DCAF5: variants seen among roughly 807,000 people sequenced by gnomAD.
The protein encoded by DCAF5 is DDB1- and CUL4-associated factor 5.
In DCAF5, 9 loss-of-function variants were observed where a neutral mutation model predicts 80.7. That is an observed-to-expected ratio of 0.11 (90% CI 0.07 to 0.19). The LOEUF (loss-of-function observed/expected upper bound fraction) is 0.19, where lower values mean the gene tolerates loss of function less well. Ranked by LOEUF, DCAF5 falls within the 10% of genes least tolerant of loss-of-function variation. The probability of loss-of-function intolerance (pLI) is 1.00; values close to 1 mark genes in which losing one functional copy is unlikely to be tolerated. For missense variants in DCAF5, 842 were observed against 1,205.7 expected (o/e 0.70, Z 4.47); for synonymous variants, 433 against 461.9 (o/e 0.94, Z 0.80).
At position 69,140,349 on chromosome 14, in the gene DCAF5, C is replaced by A. The variant is rs556980566; in HGVS notation, c.214+12416G>T. Among the ~76,000 whole-genome samples the A allele has an allele frequency of 4.5e-4, 68 of 152,214 alleles. 1 individual carries two copies. The highest frequency in any genetic ancestry group is 3.9e-4 in the Admixed American group (6 of 15,294). ...TGAAAAACTACAATCCCTGAAAATT[C>A]TTCTCCGGGCCACTTGAGGGGGCCA... is the stretch of plus-strand genomic sequence containing the variant. On this transcript the variant is annotated intron_variant, in intron 1 of 8. Coordinates refer to ENST00000341516, the MANE Select transcript of DCAF5 (RefSeq NM_003861.3).
chr14:69,091,288 G>A lies in DCAF5; in HGVS notation c.879+386C>T. 10 of 620,426 alleles carry A rather than the reference G, an allele frequency of 1.6e-5. No individual in the cohort carries two copies. The South Asian group carries it at 1.9e-4, about 12-fold the overall frequency. The allele number at this position is 620,426 out of a possible 1,614,324, so 38.4% of individuals were successfully genotyped here. A position where few individuals can be genotyped will look rare whatever the true frequency, so the allele number is the denominator to read the frequency against. ...ACATGTCTCTTGGATGGTACTTAGG[G>A]TGTTTCATTCATCATTGTGTTTTAT... On this transcript the variant is annotated intron_variant, in intron 6 of 8. Coordinates refer to ENST00000341516, the MANE Select transcript of DCAF5 (RefSeq NM_003861.3).
At chr14:69,133,541 G>C (rs2041101266) in intron 1 of DCAF5, among the ~76,000 whole-genome samples, 1 of 152,106 alleles carries the variant, frequency 6.6e-6, no homozygotes, top group Non-Finnish European at 1.5e-5. Context: ...GAAACCAGTA[G>C]GCAGGGAAGA....
At chr14:69,079,810 T>C (rs1337312790) in intron 6 of DCAF5, among the ~76,000 whole-genome samples, 2 of 151,936 alleles carry the variant, frequency 1.3e-5, no homozygotes, top group East Asian at 1.9e-4. Flanking sequence ...ATAATGTGGG[T>C]AGAGCAAAAA....
At chr14:69,089,922 T>C (rs2039472084) in intron 6 of DCAF5, 18 of 985,216 alleles carry the variant, frequency 1.8e-5, no homozygotes, top group Non-Finnish European at 1.9e-5. Context: ...ATGATAAGGA[T>C]GGGAAACCAT....
At chr14:69,130,485 C>A (rs1478661681) in intron 1 of DCAF5, among the ~76,000 whole-genome samples, 1 of 151,994 alleles carries the variant, frequency 6.6e-6, no homozygotes, top group Admixed American at 6.6e-5. Flanking sequence ...ATGAAAAATT[C>A]TAAAGATGGA....
At position 69,152,788 on chromosome 14, in the gene DCAF5, T is replaced by C. The variant is rs2140139695; in HGVS notation, c.191A>G (p.Asn64Ser). ...GCVNAIEFSN[N>S]GGQWLVSGGD... The stretch of plus-strand genomic sequence containing the variant: ...ACCTGAGACCAGCCACTGGCCTCCA[T>C]TGTTGGAGAATTCAATGGCATTGAC... Residue 64 changes from asparagine to serine, a missense_variant, in exon 1 of 9, where the codon AAT (asparagine) becomes AGT (serine). Physicochemically the swap from Asn to Ser is conservative, Grantham distance 46. Around this residue, in one of 5 missense-constraint regions of DCAF5, gnomAD observed 142 missense variants for 311.9 expected, o/e 0.46. Coordinates refer to ENST00000341516, the MANE Select transcript of DCAF5 (RefSeq NM_003861.3). This position sits in a 1 kb window ranked among gnomAD's most constrained non-coding sequence, Gnocchi z 4.1. 5.0e-6 allele frequency: 8 copies of C among 1,613,436 alleles called. No individual in the cohort carries two copies. In the Middle Eastern group the frequency reaches 6.6e-4, roughly 133 times the overall value.
At chr14:69,088,293 G>A (rs1415318329) in intron 6 of DCAF5, among the ~76,000 whole-genome samples, 1 of 152,180 alleles carries the variant, frequency 6.6e-6, no homozygotes, top group Non-Finnish European at 1.5e-5. Context: ...ACTTGTATGT[G>A]TTGTGACTTG....
At chr14:69,094,583 C>T (rs900805583) in intron 5 of DCAF5, among the ~76,000 whole-genome samples, 2 of 152,136 alleles carry the variant, frequency 1.3e-5, no homozygotes, top group Non-Finnish European at 2.9e-5. Flanking sequence ...GAAATGACAC[C>T]TGAAATCCAG....
At position 69,153,023 on chromosome 14, in the gene DCAF5, G is replaced by A; in HGVS notation, c.-45C>T. On this transcript the variant is annotated 5_prime_UTR_variant, in exon 1 of 9. Coordinates refer to ENST00000341516, the MANE Select transcript of DCAF5 (RefSeq NM_003861.3). ...CCGCTCGCGCCGCCGCCCCTCCCTC[G>A]GCCTCACGCGCGGCCGCTGCTCCCC... The A allele has an allele frequency of 7.0e-7, 1 of 1,432,654 alleles. No individual in the cohort carries two copies. Among genetic ancestry groups the A allele is most frequent in the Non-Finnish European group, 9.1e-7 (1 of 1,093,130 alleles). 88.7% of individuals were successfully genotyped at this position (1,432,654 alleles called of 1,614,324 possible).
At chr14:69,100,639 T>G (rs1383435174) in intron 5 of DCAF5, among the ~76,000 whole-genome samples, 3 of 152,208 alleles carry the variant, frequency 2.0e-5, no homozygotes, top group Non-Finnish European at 4.4e-5. Flanking sequence ...TTTCTACAGA[T>G]CCACCATCCC....
chr14:69,068,620 C>T (rs527475105), intron 7 of DCAF5, among the ~76,000 whole-genome samples: 4 of 151,088 alleles, frequency 2.6e-5, no homozygotes, highest in African/African-American at 9.8e-5. Context: ...ATAGCTTGAA[C>T]CTAGGAGACA....
intron 1 of DCAF5, among the ~76,000 whole-genome samples, chr14:69,140,955 G>A (rs1001697677): frequency 6.6e-5 from 10 of 151,908 alleles, no homozygotes; most frequent in Admixed American, 2.0e-4. Flanking sequence ...CCAACACGGT[G>A]AAACCCCGTC....
At chr14:69,125,927 T>C (rs1191478210) in intron 1 of DCAF5, among the ~76,000 whole-genome samples, 1 of 152,172 alleles carries the variant, frequency 6.6e-6, no homozygotes, top group Non-Finnish European at 1.5e-5. Flanking sequence ...TAAGTGTATC[T>C]GTAGTGTTTC....
chr14:69,145,218 A>G (rs909904906), intron 1 of DCAF5, among the ~76,000 whole-genome samples: 5 of 152,078 alleles, frequency 3.3e-5, no homozygotes, highest in Non-Finnish European at 7.4e-5. Context: ...GGGTCATGCT[A>G]TGTTAACCAG....
chr14:69,137,750 T>C (rs894152207), intron 1 of DCAF5, among the ~76,000 whole-genome samples: 3 of 152,204 alleles, frequency 2.0e-5, no homozygotes, highest in Admixed American at 6.5e-5. Context: ...TAGTTTCAGT[T>C]ACCATTAGTC....
chr14:69,074,630 G>C (rs1024089519), intron 7 of DCAF5, among the ~76,000 whole-genome samples: 1 of 152,128 alleles, frequency 6.6e-6, no homozygotes, highest in African/African-American at 2.4e-5. Flanking sequence ...TAGTTAACAT[G>C]ACCAGGGAGG....
intron 5 of DCAF5, among the ~76,000 whole-genome samples, chr14:69,108,326 G>A (rs1350069343): frequency 1.3e-5 from 2 of 152,146 alleles, no homozygotes; most frequent in African/African-American, 4.8e-5. Context: ...TTTGATCTTG[G>A]TAACTATGAC....
At chr14:69,095,676 G>T (rs1421570720) in intron 5 of DCAF5, among the ~76,000 whole-genome samples, 1 of 152,224 alleles carries the variant, frequency 6.6e-6, no homozygotes, top group Non-Finnish European at 1.5e-5. Flanking sequence ...GGCCAAGGCT[G>T]TTTCCAGGGA....
chr14:69,099,122 C>T (rs1231419046), intron 5 of DCAF5, among the ~76,000 whole-genome samples: 1 of 151,248 alleles, frequency 6.6e-6, no homozygotes, highest in African/African-American at 2.4e-5. Flanking sequence ...CATGGTGGTC[C>T]ACACCTGTAG....
Sources: gnomAD v4.1 joint callset for allele counts (sites outside exome capture counted in the v4.1 genomes callset) on GRCh38, gnomAD v4.1.1 for gene constraint, gnomAD v4.1.1 regional missense constraint, Gnocchi (gnomAD v3.1) non-coding constraint, MANE v1.5 for transcripts, NCBI Gene and HGNC (gene_info 2026-07-23, HGNC 2026-07-21) for gene names.